FAM114A2: variants seen among roughly 807,000 people sequenced by gnomAD.
FAM114A2 encodes the protein protein FAM114A2.
Under a neutral mutation model 58.4 loss-of-function variants are expected in FAM114A2, and 53 were observed. The observed-to-expected ratio is 0.91, with a 90% confidence interval of 0.73 to 1.14. FAM114A2 has a LOEUF of 1.14. FAM114A2 is among the 50% of genes most tolerant of loss of function. The pLI is 0.00. For synonymous variants in FAM114A2, 228 were observed against 211.4 expected, an observed-to-expected ratio of 1.08 and a Z score of -0.68; for missense variants, 601 against 581.1, an observed-to-expected ratio of 1.03 and a Z score of -0.35.
rs1770601682 is a variant in FAM114A2 at position 154,010,225 on chromosome 5, T to C, written c.993+1016A>G. On this transcript the variant is annotated intron_variant, in intron 9 of 13. Transcript: ENST00000351797. ...ATGTTTGAGCAAATGAAGTAAGTAT[T>C]AACAGTACTGGATTTGCATAAAAGG... Among the ~76,000 whole-genome samples the C allele has an allele frequency of 2.0e-5, 3 of 152,212 alleles. No individual in the cohort carries two copies. The South Asian group carries it at 6.2e-4, about 32-fold the overall frequency.
intron 13 of FAM114A2, among the ~76,000 whole-genome samples, 179 bp from the exon 14 acceptor site, chr5:153,993,289 CTTAAGAT>C (rs1458647614): frequency 2.0e-5 from 3 of 152,146 alleles, no homozygotes; most frequent in Non-Finnish European, 4.4e-5. Flanking sequence ...GAATTTAGCT[CTTAAGAT>C]GATATGAGCA....
At chr5:154,034,459 T>C (rs543790730) in intron 2 of FAM114A2, 82 bp from the exon 3 acceptor site, 14 of 834,402 alleles carry the variant, frequency 1.7e-5, no homozygotes, top group Non-Finnish European at 2.1e-5. Context: ...AGACAAGGTA[T>C]CTAATTATTA....
At chr5:154,023,771 T>A (rs1771598558) in intron 8 of FAM114A2, among the ~76,000 whole-genome samples, 1 of 151,752 alleles carries the variant, frequency 6.6e-6, no homozygotes, top group South Asian at 2.1e-4. Context: ...CCTGATAACC[T>A]ATGGAAATAA....
chr5:154,033,877 C>G lies in FAM114A2; in HGVS notation c.317G>C (p.Gly106Ala). 1 of 1,600,440 alleles carries G rather than the reference C, an allele frequency of 6.2e-7. No homozygotes were observed. Among genetic ancestry groups the G allele is most frequent in the Non-Finnish European group, 8.5e-7 (1 of 1,169,700 alleles). Residue 106 changes from glycine (G) to alanine (A), a missense_variant, in exon 4 of 14, where the codon GGC (glycine) becomes GCC (alanine). Coordinates refer to ENST00000351797, the MANE Select transcript of FAM114A2 (RefSeq NM_018691.4). ...TGCCTTCTCGATGACATTTGAAATGCCTTGTCCTAATGAGAAAAATAACTT... is the reference window on the plus strand; with the variant it reads ...TGCCTTCTCGATGACATTTGAAATGGCTTGTCCTAATGAGAAAAATAACTT... ...ASATVATVGQ[G>A]ISNVIEKAET...
Position 154,029,428 on chromosome 5 carries a change from A to G in FAM114A2, c.495+61T>C. The G allele has an allele frequency of 4.3e-6, 4 of 933,670 alleles. 1 individual carries two copies. Among genetic ancestry groups the G allele is most frequent in the Non-Finnish European group, 3.5e-6 (2 of 570,446 alleles). 57.8% of individuals were successfully genotyped at this position (933,670 alleles called of 1,614,324 possible). On this transcript the variant is annotated intron_variant, in intron 5 of 13. Transcript: ENST00000351797. ...GGCTGTTCAAAGAAAAGAGAGAGAA[A>G]GATATGCAAACCCATTATAATAATG...
Position 154,034,892 on chromosome 5 carries a change from T to TCTG in FAM114A2, c.61_62insCAG (p.Glu20_Asp21insAla). ...ATTCTTGGCTGGCTCACAGTTTCCA[T>TCTG]CTTCAAGGATGGGGGCTGCTTCAGT... On this transcript the variant is annotated inframe_insertion, in exon 2 of 14. Coordinates refer to ENST00000351797, the MANE Select transcript of FAM114A2 (RefSeq NM_018691.4). The TCTG allele has an allele frequency of 6.2e-7, 1 of 1,614,050 alleles. No individual in the cohort carries two copies. The highest frequency in any genetic ancestry group is 8.5e-7 in the Non-Finnish European group (1 of 1,179,912).
chr5:154,036,499 T>G (rs1276235859), intron 1 of FAM114A2: 2 of 152,196 alleles, frequency 1.3e-5, no homozygotes, highest in African/African-American at 4.8e-5. Context: ...ATGTACTAAG[T>G]GCAGAATTAG....
intron 8 of FAM114A2, among the ~76,000 whole-genome samples, chr5:154,014,909 G>A (rs150115362): frequency 1.6e-3 from 242 of 152,318 alleles, no homozygotes; most frequent in African/African-American, 5.5e-3. Flanking sequence ...TCTGGGGCAA[G>A]TTCTCAGCCC....
At chr5:154,012,521 G>C (rs1017528895) in intron 8 of FAM114A2, among the ~76,000 whole-genome samples, 7 of 152,148 alleles carry the variant, frequency 4.6e-5, no homozygotes, top group Non-Finnish European at 1.5e-5. Context: ...ACTATAGTTT[G>C]CCAGGGCAAA....
chr5:154,032,565 A>G (rs942109989), intron 4 of FAM114A2, among the ~76,000 whole-genome samples: 1 of 152,186 alleles, frequency 6.6e-6, no homozygotes, highest in Non-Finnish European at 1.5e-5. Flanking sequence ...TTGCTGCTAC[A>G]TCAAGAACAT....
chr5:154,009,406 T>TG lies in FAM114A2; in HGVS notation c.993+1834dup, dbSNP rs577688504. On this transcript the variant is annotated intron_variant, in intron 9 of 13. Transcript: ENST00000351797. Reference sequence around the variant, plus strand: ...ATAACAAATTAAAAAAAGAACAAAATGGGGGAGAAAGGAGAGGTCATGACT... The same window carrying TG: ...ATAACAAATTAAAAAAAGAACAAAATGGGGGGAGAAAGGAGAGGTCATGACT... Among the ~76,000 whole-genome samples, 8 of 151,554 alleles carry TG rather than the reference T, an allele frequency of 5.3e-5. No homozygotes were observed. In the South Asian group the frequency reaches 1.5e-3, roughly 28 times the overall value.
At position 154,022,239 on chromosome 5, in the gene FAM114A2, A is replaced by T. The variant is rs375302968; in HGVS notation, c.913+4160T>A. On this transcript the variant is annotated intron_variant, in intron 8 of 13. Transcript: ENST00000351797. Reference sequence around the variant, plus strand: ...CATAGGCATGGGCAAGGACTTCATGACTAAAACACCAAAAGCAATGGCAAC... The same window carrying T: ...CATAGGCATGGGCAAGGACTTCATGTCTAAAACACCAAAAGCAATGGCAAC... Among the ~76,000 whole-genome samples the T allele has an allele frequency of 5.9e-5, 9 of 152,200 alleles. No homozygotes were observed. The South Asian group carries it at 8.3e-4, about 14-fold the overall frequency.
rs1188381185 is a variant in FAM114A2 at position 153,991,547 on chromosome 5, T to C, written c.*1429A>G. 6.6e-6 allele frequency: 1 copy of C among 152,236 alleles called. No individual in the cohort carries two copies. The highest frequency in any genetic ancestry group is 1.9e-4 in the East Asian group (1 of 5,198). The allele number at this position is 152,236 out of a possible 1,614,324, so 9.4% of individuals were successfully genotyped here. A position where few individuals can be genotyped will look rare whatever the true frequency, so the allele number is the denominator to read the frequency against. On this transcript the variant is annotated 3_prime_UTR_variant, in exon 14 of 14. Coordinates refer to ENST00000351797, the MANE Select transcript of FAM114A2 (RefSeq NM_018691.4). ...TTTCTGATCATATTAAGACAGAATATAGGCAGAGTAACATTGTAGTGCTGT... is the reference window on the plus strand; with the variant it reads ...TTTCTGATCATATTAAGACAGAATACAGGCAGAGTAACATTGTAGTGCTGT...
intron 9 of FAM114A2, among the ~76,000 whole-genome samples, chr5:154,009,947 T>C (rs1457775065): frequency 6.6e-6 from 1 of 152,214 alleles, no homozygotes; most frequent in African/African-American, 2.4e-5. Context: ...TTGGGTCAAC[T>C]GATGTAACTG....
chr5:154,028,213 G>A lies in FAM114A2; in HGVS notation c.566C>T (p.Ala189Val). ...TCTTTTAAATCCAGGATCCCCTTCT[G>A]CTATCACATCCATTGTCTTTTTTCC... Reference protein sequence around the residue: ...FIGKKTMDVIAEGDPGFKRTK... With the variant: ...FIGKKTMDVIVEGDPGFKRTK... The change falls in exon 6 of 14, where the codon GCA becomes GTA. Residue 189 changes from alanine (A) to valine (V), a missense_variant. Physicochemically the swap from Ala to Val is moderately conservative, Grantham distance 64. Coordinates refer to ENST00000351797, the MANE Select transcript of FAM114A2 (RefSeq NM_018691.4). 3.7e-6 allele frequency: 6 copies of A among 1,611,010 alleles called. No individual in the cohort carries two copies. The highest frequency in any genetic ancestry group is 5.1e-6 in the Non-Finnish European group (6 of 1,177,466).
In FAM114A2 at chr5:153,997,890, A is replaced by C; in HGVS notation, c.1257-15T>G. On this transcript the variant is annotated splice_polypyrimidine_tract_variant and intron_variant, in intron 11 of 13. Transcript: ENST00000351797. ...CAATTGTCATCCTAGGAAAGAAAGG[A>C]AAAGTCAGAAACGTTTTTTCTTTTT... 6.6e-7 allele frequency: 1 copy of C among 1,507,294 alleles called. No homozygotes were observed. Among genetic ancestry groups the C allele is most frequent in the Non-Finnish European group, 9.1e-7 (1 of 1,095,908 alleles). The allele number at this position is 1,507,294 out of a possible 1,614,324, so 93.4% of individuals were successfully genotyped here.
At chr5:154,011,722 G>A (rs1340519726) in intron 8 of FAM114A2, among the ~76,000 whole-genome samples, 4 of 152,008 alleles carry the variant, frequency 2.6e-5, no homozygotes, top group African/African-American at 9.7e-5. Context: ...GACTAAGCAA[G>A]TACTGTACAT....
chr5:154,033,124 G>A (rs1450194390), intron 4 of FAM114A2, among the ~76,000 whole-genome samples: 2 of 152,106 alleles, frequency 1.3e-5, no homozygotes, highest in Admixed American at 1.3e-4. Context: ...TATAAAGCTG[G>A]AGCTGAGGAA....
In FAM114A2 at chr5:154,033,841, A is replaced by G; in HGVS notation, c.353T>C (p.Leu118Pro). 2 of 1,611,108 alleles carry G rather than the reference A, an allele frequency of 1.2e-6. No homozygotes were observed. The highest frequency in any genetic ancestry group is 1.7e-6 in the Non-Finnish European group (2 of 1,177,414). Residue 118 changes from leucine to proline, a missense_variant, in exon 4 of 14, where the codon CTT (leucine) becomes CCT (proline). By Grantham distance (98) the Leu-to-Pro change is moderately conservative (BLOSUM62 -3). Coordinates refer to ENST00000351797, the MANE Select transcript of FAM114A2 (RefSeq NM_018691.4). The stretch of plus-strand genomic sequence containing the variant: ...AATTTCACTGGGACCAGGGATTCCA[A>G]GGGAAGTCTCTGCCTTCTCGATGAC... ...SNVIEKAETS[L>P]GIPGPSEIST...
Sources: allele counts gnomAD v4.1 joint callset (sites outside exome capture counted in the v4.1 genomes callset), GRCh38; gene constraint gnomAD v4.1.1; transcripts MANE v1.5; gene names NCBI Gene and HGNC (gene_info 2026-07-23, HGNC 2026-07-21).